The following MARCHF5 variants were observed in gnomAD, a reference collection of about 807,000 sequenced individuals.
MARCHF5 encodes the protein membrane associated ring-CH-type finger 5.
MARCHF5 carries 5 observed loss-of-function variants against 36.5 expected under a neutral mutation model. The observed-to-expected ratio is 0.14, with a 90% CI of 0.07 to 0.29. MARCHF5 has a LOEUF of 0.29. MARCHF5 is among the 10% of genes least tolerant of loss of function. The pLI, the probability that MARCHF5 is intolerant of heterozygous loss-of-function variation, is 1.00. For missense variants in MARCHF5, 179 were observed against 336.3 expected, an observed-to-expected ratio of 0.53 and a Z score of 3.66; for synonymous variants, 103 against 109.9, an observed-to-expected ratio of 0.94 and a Z score of 0.39.
At chr10:92,314,291 C>T (rs1347943183) in intron 2 of MARCHF5, among the ~76,000 whole-genome samples, 2 of 152,110 alleles carry the variant, frequency 1.3e-5, no homozygotes, top group Non-Finnish European at 2.9e-5. Context: ...AGAGGTATGG[C>T]ACTTGAGTTA....
intron 3 of MARCHF5, among the ~76,000 whole-genome samples, chr10:92,346,237 A>G (rs2135219401): frequency 6.6e-6 from 1 of 152,236 alleles, no homozygotes; most frequent in South Asian, 2.1e-4. Context: ...TGCAGGTGTT[A>G]TACTACCTTA....
At chr10:92,295,863 A>G (rs374313391) in intron 1 of MARCHF5, among the ~76,000 whole-genome samples, 4 of 151,886 alleles carry the variant, frequency 2.6e-5, no homozygotes, top group African/African-American at 9.7e-5. Flanking sequence ...ATACATACAT[A>G]CATATATATA....
chr10:92,293,515 A>G (rs1382718139), intron 1 of MARCHF5, among the ~76,000 whole-genome samples: 6 of 151,758 alleles, frequency 4.0e-5, no homozygotes, highest in African/African-American at 1.5e-4. Flanking sequence ...TCACCCTTGT[A>G]ATCCCAGCAC....
chr10:92,311,368 T>C, intron 2 of MARCHF5, 31 bp downstream of exon 2: 2 of 1,406,842 alleles, frequency 1.4e-6, no homozygotes, highest in South Asian at 1.3e-5. Context: ...AACACAGATA[T>C]AGTTGATGTT....
At chr10:92,302,453 T>C (rs1429297728) in intron 1 of MARCHF5, among the ~76,000 whole-genome samples, 1 of 151,236 alleles carries the variant, frequency 6.6e-6, no homozygotes, top group Non-Finnish European at 1.5e-5. Flanking sequence ...TTTTTCTTTT[T>C]TTTTTTTTGA....
intron 3 of MARCHF5, among the ~76,000 whole-genome samples, chr10:92,345,482 G>A (rs1462709789): frequency 6.6e-6 from 1 of 152,140 alleles, no homozygotes; most frequent in African/African-American, 2.4e-5. Context: ...GGGCGACAGA[G>A]CAAGACTCTG....
At chr10:92,344,162 C>T (rs999942919) in intron 3 of MARCHF5, among the ~76,000 whole-genome samples, 1 of 152,114 alleles carries the variant, frequency 6.6e-6, no homozygotes, top group Non-Finnish European at 1.5e-5. Context: ...CTTGTTAAAA[C>T]ACAAATAAAT....
At chr10:92,294,787 C>G (rs1280398255) in intron 1 of MARCHF5, among the ~76,000 whole-genome samples, 2 of 152,156 alleles carry the variant, frequency 1.3e-5, no homozygotes, top group African/African-American at 4.8e-5. Flanking sequence ...CCTGTAATCC[C>G]AGCACTTTGG....
At chr10:92,325,502 G>A (rs1412188150) in intron 2 of MARCHF5, among the ~76,000 whole-genome samples, 4 of 152,060 alleles carry the variant, frequency 2.6e-5, no homozygotes, top group African/African-American at 7.2e-5. Flanking sequence ...TAATTGTTAC[G>A]TCGTCCTGAT....
At chr10:92,337,159 G>A (rs1178077392) in intron 2 of MARCHF5, among the ~76,000 whole-genome samples, 1 of 151,682 alleles carries the variant, frequency 6.6e-6, no homozygotes, top group Non-Finnish European at 1.5e-5. Context: ...ATTAGATTTG[G>A]CTAAATGGAG....
At chr10:92,314,885 C>T (rs1386362887) in intron 2 of MARCHF5, among the ~76,000 whole-genome samples, 5 of 152,034 alleles carry the variant, frequency 3.3e-5, no homozygotes, top group Non-Finnish European at 5.9e-5. Flanking sequence ...GCCCAGCCTG[C>T]CGCTGCATTC....
chr10:92,344,725 C>T (rs757316758), intron 3 of MARCHF5, among the ~76,000 whole-genome samples: 41 of 152,098 alleles, frequency 2.7e-4, no homozygotes, highest in Non-Finnish European at 5.0e-4. Context: ...TGTTATTTTC[C>T]CATTTATTTT....
At chr10:92,321,870 A>G (rs568233217) in intron 2 of MARCHF5, among the ~76,000 whole-genome samples, 4 of 152,068 alleles carry the variant, frequency 2.6e-5, no homozygotes, top group African/African-American at 7.2e-5. Flanking sequence ...TTTCTGTAAG[A>G]TTGGTAGTAA....
intron 2 of MARCHF5, among the ~76,000 whole-genome samples, chr10:92,318,768 G>A: frequency 6.6e-6 from 1 of 151,772 alleles, no homozygotes; most frequent in African/African-American, 2.4e-5. Context: ...GCACAATCTC[G>A]GCTCACTGCA....
At chr10:92,295,349 G>A (rs1435690480) in intron 1 of MARCHF5, among the ~76,000 whole-genome samples, 1 of 100,488 alleles carries the variant, frequency 1.0e-5, no homozygotes, top group African/African-American at 3.7e-5. Context: ...TTGAGGCGAA[G>A]TCTCACTCTG....
intron 3 of MARCHF5, 99 bp from the exon 4 acceptor site, chr10:92,349,250 C>T: frequency 2.3e-6 from 2 of 869,024 alleles, no homozygotes; most frequent in Non-Finnish European, 3.5e-6. Flanking sequence ...TCTGTGTATT[C>T]TTTTGAAATT....
intron 2 of MARCHF5, among the ~76,000 whole-genome samples, chr10:92,316,117 T>C (rs1422521574): frequency 1.3e-5 from 2 of 152,138 alleles, no homozygotes; most frequent in African/African-American, 4.8e-5. Flanking sequence ...AAGGTGATGA[T>C]GGTTAATATT....
Position 92,317,568 on chromosome 10 carries a change from G to C in MARCHF5, c.238+6231G>C, listed in dbSNP as rs1236724513. The stretch of plus-strand genomic sequence containing the variant: ...TTTAAGTATGTAGAATACAATTTTT[G>C]TTTTCTGTCTTGGAACACAATCAGC... On this transcript the variant is annotated intron_variant, in intron 2 of 5. Coordinates refer to ENST00000358935, the MANE Select transcript of MARCHF5 (RefSeq NM_017824.5). 2.0e-5 allele frequency among the ~76,000 whole-genome samples: 3 copies of C among 151,794 alleles called. No homozygotes were observed. In the East Asian group the frequency reaches 5.8e-4, roughly 29 times the overall value.
At chr10:92,316,844 G>A (rs1486650751) in intron 2 of MARCHF5, among the ~76,000 whole-genome samples, 1 of 152,032 alleles carries the variant, frequency 6.6e-6, no homozygotes, top group African/African-American at 2.4e-5. Flanking sequence ...GAGAATGTAG[G>A]CAAGAACCAC....
Sources: gnomAD v4.1 joint callset for allele counts (sites outside exome capture counted in the v4.1 genomes callset) on GRCh38, gnomAD v4.1.1 for gene constraint, MANE v1.5 for transcripts, NCBI Gene and HGNC (gene_info 2026-07-23, HGNC 2026-07-21) for gene names.